The following COL16A1 variants were observed in gnomAD, a reference collection of about 807,000 sequenced individuals.
The protein encoded by COL16A1 is collagen alpha-1(XVI) chain.
Under a neutral mutation model 266.3 loss-of-function variants are expected in COL16A1, and 189 were observed. The ratio of observed to expected loss-of-function variants is 0.71; its 90% CI spans 0.63 to 0.80. The LOEUF (loss-of-function observed/expected upper bound fraction) is 0.80, where lower values mean the gene tolerates loss of function less well. Among genes scored for constraint, COL16A1 ranks in the 30% least tolerant of loss-of-function variants. The pLI, the probability that COL16A1 is intolerant of heterozygous loss-of-function variation, is 0.00. For synonymous variants in COL16A1, 740 were observed against 782.3 expected (o/e 0.95, Z 0.90); for missense variants, 1,928 against 2,122.4 (o/e 0.91, Z 1.80).
chr1:31,684,677 G>C, intron 30 of COL16A1, 47 bp from the exon 31 acceptor site: 1 of 1,608,332 alleles, frequency 6.2e-7, no homozygotes, highest in South Asian at 1.1e-5. Flanking sequence ...CCAGCCGGGG[G>C]CAGGTTGCCC....
intron 12 of COL16A1, 161 bp from the exon 13 acceptor site, chr1:31,693,315 C>T (rs1644362027): frequency 1.6e-6 from 1 of 632,440 alleles, no homozygotes; most frequent in East Asian, 2.8e-5. Context: ...CCCCCCACCA[C>T]ACACAAGCAT....
intron 44 of COL16A1, 126 bp downstream of exon 44, chr1:31,674,881 G>T: frequency 6.9e-7 from 1 of 1,439,742 alleles, no homozygotes; most frequent in Non-Finnish European, 9.4e-7. Flanking sequence ...ACAGATGCTT[G>T]GAATGCGTAT....
In COL16A1 at chr1:31,692,085, A is replaced by G. The variant is rs1438676406; in HGVS notation, c.1195-18T>C. ...TTCTGGCCCTGGGGAAGGAAGAAGC[A>G]GAGTGACCAGGATGAGGGAAGGGCC... On this transcript the variant is annotated intron_variant, in intron 16 of 70. Coordinates refer to ENST00000373672, the MANE Select transcript of COL16A1 (RefSeq NM_001856.4). 7 of 1,613,350 alleles carry G rather than the reference A, an allele frequency of 4.3e-6. No homozygotes were observed. Among genetic ancestry groups the G allele is most frequent in the Middle Eastern group, 1.6e-4 (1 of 6,082 alleles).
Position 31,684,617 on chromosome 1 carries a change from T to G in COL16A1, c.2066A>C (p.Asn689Thr). The change falls in exon 31 of 71, where the codon AAT (asparagine) becomes ACT (threonine). Residue 689 changes from asparagine (N) to threonine (T), a missense_variant. Around this residue, in one of 2 missense-constraint regions of COL16A1, gnomAD observed 1,552 missense variants for 1,637.2 expected, o/e 0.95. Transcript: ENST00000373672. Reference sequence around the variant, plus strand: ...GCCCGGCGTTCCAGGGTCTCCAGGATTCCCAGCATCACCCTGTAAGGAGTG... The same window carrying G: ...GCCCGGCGTTCCAGGGTCTCCAGGAGTCCCAGCATCACCCTGTAAGGAGTG... ...GLKGQKGDAG[N>T]PGDPGTPGTT... is the part of the protein sequence containing the mutation. The G allele has an allele frequency of 6.2e-7, 1 of 1,613,636 alleles. No homozygotes were observed. The highest frequency in any genetic ancestry group is 8.5e-7 in the Non-Finnish European group (1 of 1,179,904).
At chr1:31,700,289 C>A (rs1236619706) in intron 2 of COL16A1, among the ~76,000 whole-genome samples, 174 bp from the exon 3 acceptor site, 1 of 152,192 alleles carries the variant, frequency 6.6e-6, no homozygotes, top group Non-Finnish European at 1.5e-5. Context: ...AGCCTGGAGG[C>A]CCCCAACCCA....
chr1:31,668,860 G>A lies in COL16A1; in HGVS notation c.3196-5C>T. Reference sequence around the variant, plus strand: ...ACCTCGCTCTCCTTGAAGGCCCTTGGAGAGAAAAATCATGAGAAACTGCAG... The same window carrying A: ...ACCTCGCTCTCCTTGAAGGCCCTTGAAGAGAAAAATCATGAGAAACTGCAG... On this transcript the variant is annotated splice_region_variant and splice_polypyrimidine_tract_variant and intron_variant, in intron 49 of 70. Transcript: ENST00000373672. This position sits in a 1 kb window ranked among gnomAD's most constrained non-coding sequence, Gnocchi z 5.8. 1 of 1,613,186 alleles carries A rather than the reference G, an allele frequency of 6.2e-7. No individual in the cohort carries two copies. The highest frequency in any genetic ancestry group is 8.5e-7 in the Non-Finnish European group (1 of 1,179,668).
In COL16A1 at chr1:31,665,638, G is replaced by A; in HGVS notation, c.3457-20C>T. 6.2e-7 allele frequency: 1 copy of A among 1,612,312 alleles called. No homozygotes were observed. Among genetic ancestry groups the A allele is most frequent in the Non-Finnish European group, 8.5e-7 (1 of 1,179,122 alleles). On this transcript the variant is annotated intron_variant, in intron 54 of 70. Transcript: ENST00000373672. ...AAATCCCTAGGGTGAGAAGCAAGGG[G>A]CAGTGTGCTGTGCCACCCCCTCTCT...
rs1272029425 is a variant in COL16A1 at position 31,667,615 on chromosome 1, T to A, written c.3317A>T (p.Glu1106Val). ...GPPGLPGIKGERGYTGSAGEK... is the reference protein window; with the variant it reads ...GPPGLPGIKGVRGYTGSAGEK... ...TCCCGCTGACCCGGTGTAGCCACGCTCCCCCTTGATGCCCTGACAAGTGGC... is the reference window on the plus strand; with the variant it reads ...TCCCGCTGACCCGGTGTAGCCACGCACCCCCTTGATGCCCTGACAAGTGGC... The change falls in exon 52 of 71, where the codon GAG becomes GTG. Residue 1106 changes from glutamate to valine, a missense_variant. Glu to Val is a moderately radical substitution (Grantham distance 121, BLOSUM62 -2). Around this residue, in one of 2 missense-constraint regions of COL16A1, gnomAD observed 1,552 missense variants for 1,637.2 expected, o/e 0.95. Coordinates refer to ENST00000373672, the MANE Select transcript of COL16A1 (RefSeq NM_001856.4). The A allele has an allele frequency of 6.2e-7, 1 of 1,604,818 alleles. No individual in the cohort carries two copies. Among genetic ancestry groups the A allele is most frequent in the African/African-American group, 1.3e-5 (1 of 74,760 alleles).
rs770736773 is a variant in COL16A1 at position 31,682,944 on chromosome 1, G to A, written c.2528C>T (p.Ser843Phe). Residue 843 changes from serine (S) to phenylalanine (F), a missense_variant, in exon 37 of 71, where the codon TCT (serine) becomes TTT (phenylalanine). Ser to Phe is a radical substitution (Grantham distance 155). This residue lies in a region of COL16A1 where 1,552 missense variants were observed against 1,637.2 expected (regional missense o/e 0.95). Transcript: ENST00000373672. ...ACAGAGAAGACTTACCGGAGGCCCA[G>A]AGACACTGGCCCCAGGAGGTCCCAC... ...GPVGPPGASV[S>F]GPPGRDGQQG... 2 of 1,614,058 alleles carry A rather than the reference G, an allele frequency of 1.2e-6. No homozygotes were observed. Among genetic ancestry groups the A allele is most frequent in the Non-Finnish European group, 8.5e-7 (1 of 1,179,992 alleles).
At chr1:31,694,244 T>C in intron 11 of COL16A1, 74 bp from the exon 12 acceptor site, 1 of 1,311,646 alleles carries the variant, frequency 7.6e-7, no homozygotes, top group East Asian at 2.5e-5. Flanking sequence ...AGTCAAGCAA[T>C]TTAGACAGGG....
In COL16A1 at chr1:31,664,903, TC is replaced by T; in HGVS notation, c.3555+268del. ...TCCTCCCCACCTACCTCCCTGCCTT[TC>T]CCCCCATCACAGCAGACAAGGGCCT... On this transcript the variant is annotated intron_variant, in intron 56 of 70. Coordinates refer to ENST00000373672, the MANE Select transcript of COL16A1 (RefSeq NM_001856.4). The surrounding 1 kb of genome is among the most constrained non-coding windows in gnomAD (Gnocchi z 5.5). Among the ~76,000 whole-genome samples, 1 of 151,430 alleles carries T rather than the reference TC, an allele frequency of 6.6e-6. No homozygotes were observed. Among genetic ancestry groups the T allele is most frequent in the East Asian group, 2.0e-4 (1 of 5,126 alleles).
At position 31,664,956 on chromosome 1, in the gene COL16A1, T is replaced by G. The variant is rs553864911; in HGVS notation, c.3555+216A>C. Among the ~76,000 whole-genome samples the G allele has an allele frequency of 6.6e-6, 1 of 152,254 alleles. No homozygotes were observed. The highest frequency in any genetic ancestry group is 1.9e-4 in the East Asian group (1 of 5,166). Reference sequence around the variant, plus strand: ...GGCTGCACAGAGGCCGCAGGCATCCTGGGCCAAGCAGACATCCCGAGGAGC... The same window carrying G: ...GGCTGCACAGAGGCCGCAGGCATCCGGGGCCAAGCAGACATCCCGAGGAGC... On this transcript the variant is annotated intron_variant, in intron 56 of 70. Coordinates refer to ENST00000373672, the MANE Select transcript of COL16A1 (RefSeq NM_001856.4). The surrounding 1 kb of genome is among the most constrained non-coding windows in gnomAD (Gnocchi z 5.5).
intron 9 of COL16A1, 80 bp from the exon 10 acceptor site, chr1:31,695,867 A>G: frequency 1.5e-6 from 2 of 1,345,832 alleles, no homozygotes; most frequent in Non-Finnish European, 2.1e-6. Flanking sequence ...CTACCCCCAA[A>G]CCAACAGGAG....
chr1:31,661,039 G>A (rs75813901), intron 61 of COL16A1, 27 bp downstream of exon 61: 17,636 of 1,550,974 alleles, frequency 0.011, 150 homozygotes, highest in East Asian at 0.036. Context: ...CAAACTGAAG[G>A]CAGCCATGTG....
At position 31,680,936 on chromosome 1, in the gene COL16A1, AG is replaced by A; in HGVS notation, c.2584-6del. ...TCCTCGTGGTCCTTTTTCACCCTGCAGGGAAGAAACACAGGAAGGTGAGCAG... is the reference window on the plus strand; with the variant it reads ...TCCTCGTGGTCCTTTTTCACCCTGCAGGAAGAAACACAGGAAGGTGAGCAG... On this transcript the variant is annotated splice_region_variant and splice_polypyrimidine_tract_variant and intron_variant, in intron 38 of 70. Transcript: ENST00000373672. 1 of 1,614,174 alleles carries A rather than the reference AG, an allele frequency of 6.2e-7. No individual in the cohort carries two copies. Among genetic ancestry groups the A allele is most frequent in the Non-Finnish European group, 8.5e-7 (1 of 1,180,018 alleles).
At chr1:31,671,813 T>C (rs1017950544) in intron 47 of COL16A1, among the ~76,000 whole-genome samples, 154 bp from the exon 48 acceptor site, 1 of 152,204 alleles carries the variant, frequency 6.6e-6, no homozygotes, top group South Asian at 2.1e-4. Flanking sequence ...CGAACAATCT[T>C]TCATTTGGCC....
rs532380843 is a variant in COL16A1 at position 31,658,676 on chromosome 1, C to G, written c.3931-99G>C. 145 of 1,205,212 alleles carry G rather than the reference C, an allele frequency of 1.2e-4. 1 individual carries two copies. The South Asian group carries it at 1.8e-3, about 15-fold the overall frequency. The allele number at this position is 1,205,212 out of a possible 1,614,324, so 74.7% of individuals were successfully genotyped here. Reference sequence around the variant, plus strand: ...ACACCCCATCGTGTGCCAGGGACTACAGGGAGAGGTGGCACTGCCTGAACT... The same window carrying G: ...ACACCCCATCGTGTGCCAGGGACTAGAGGGAGAGGTGGCACTGCCTGAACT... On this transcript the variant is annotated intron_variant, in intron 63 of 70. Transcript: ENST00000373672.
rs767455808 is a variant in COL16A1, at chr1:31,665,869, A to C, written c.3456+13T>G. Reference sequence around the variant, plus strand: ...CCCTGCCTCCCTGCAGCCAGGTCCCAGTCGTCACTCACCTGGTCGCCCTTC... The same window carrying C: ...CCCTGCCTCCCTGCAGCCAGGTCCCCGTCGTCACTCACCTGGTCGCCCTTC... On this transcript the variant is annotated intron_variant, in intron 54 of 70. Transcript: ENST00000373672. 5.6e-6 allele frequency: 9 copies of C among 1,613,994 alleles called. No individual in the cohort carries two copies. The highest frequency in any genetic ancestry group is 1.3e-5 in the African/African-American group (1 of 74,904).
In COL16A1 at chr1:31,661,446, T is replaced by A. The variant is rs1195773281; in HGVS notation, c.3739A>T (p.Lys1247Ter). Residue 1247 changes from lysine to a stop codon, truncating the protein, a stop_gained, in exon 60 of 71, where the codon AAA (lysine) becomes TAA (stop). Transcript: ENST00000373672. LOFTEE classifies it high-confidence loss of function. ...CCTGGGAGGCCAGGATGTCCTGTTT[T>A]CCCCTTAAAGCCCTGAAAGAAAAAG... ...GLMGPPGFKGKTGHPGLPGPK... is the reference protein window; with the variant it reads ...GLMGPPGFKG 5 of 1,614,020 alleles carry A rather than the reference T, an allele frequency of 3.1e-6. No homozygotes were observed. The highest frequency in any genetic ancestry group is 1.7e-5 in the Admixed American group (1 of 60,010).
Sources: gnomAD v4.1 joint callset for allele counts (sites outside exome capture counted in the v4.1 genomes callset) on GRCh38, gnomAD v4.1.1 for gene constraint, gnomAD v4.1.1 regional missense constraint, Gnocchi (gnomAD v3.1) non-coding constraint, MANE v1.5 for transcripts, NCBI Gene and HGNC (gene_info 2026-07-23, HGNC 2026-07-21) for gene names.